The following TENM3 variants were observed in gnomAD, a reference collection of about 807,000 sequenced individuals.
TENM3 encodes teneurin-3.
Under a neutral mutation model 255.1 loss-of-function variants are expected in TENM3, and 63 were observed. That is an observed-to-expected ratio of 0.25 (90% CI 0.20 to 0.30). TENM3 has a LOEUF of 0.30. TENM3 is among the 10% of genes least tolerant of loss of function. The pLI is 1.00. For synonymous variants in TENM3, 1,306 were observed against 1,322.3 expected, an observed-to-expected ratio of 0.99 and a Z score of 0.27; for missense variants, 2,929 against 3,461.1, an observed-to-expected ratio of 0.85 and a Z score of 3.86.
At chr4:181,510,961 C>T in the TENM3 span, among the ~76,000 whole-genome samples, 1 of 152,140 alleles carries the variant, frequency 6.6e-6, no homozygotes, top group South Asian at 2.1e-4. Context: ...ACTTTATTCC[C>T]CCTTTTGGTA....
At chr4:182,357,850 A>G (rs1165838941) in intron 3 of TENM3, among the ~76,000 whole-genome samples, 156 of 151,508 alleles carry the variant, frequency 1.0e-3, no homozygotes, top group African/African-American at 3.6e-3. Flanking sequence ...TATGGTTTTA[A>G]GTCTAACATT....
intron 1 of TENM3, among the ~76,000 whole-genome samples, chr4:182,263,713 C>T (rs1759034559): frequency 6.6e-6 from 1 of 152,130 alleles, no homozygotes; most frequent in Non-Finnish European, 1.5e-5. Context: ...ACGGACAGTG[C>T]TTTTTATTCG....
intron 1 of TENM3, among the ~76,000 whole-genome samples, chr4:182,162,637 G>A (rs1319538945): frequency 6.6e-6 from 1 of 152,130 alleles, no homozygotes; most frequent in Non-Finnish European, 1.5e-5. Context: ...TTATTTTTCA[G>A]TTTGGAGGCT....
At chr4:182,681,562 G>A (rs1756179109) in intron 10 of TENM3, among the ~76,000 whole-genome samples, 1 of 152,186 alleles carries the variant, frequency 6.6e-6, no homozygotes, top group Non-Finnish European at 1.5e-5. Flanking sequence ...AACCTCAAGA[G>A]CCTGTGTGTG....
At chr4:182,394,917 T>C (rs1463198165) in intron 3 of TENM3, among the ~76,000 whole-genome samples, 1 of 152,226 alleles carries the variant, frequency 6.6e-6, no homozygotes, top group African/African-American at 2.4e-5. Context: ...GTTTGGGTTG[T>C]CTTTTTGCAA....
the TENM3 span, among the ~76,000 whole-genome samples, chr4:181,787,017 C>A: frequency 6.6e-6 from 1 of 152,228 alleles, no homozygotes; most frequent in Non-Finnish European, 1.5e-5. Context: ...GGCACTCTCT[C>A]ATGTCCCCTT....
At chr4:182,028,240 T>C in the TENM3 span, among the ~76,000 whole-genome samples, 2 of 152,194 alleles carry the variant, frequency 1.3e-5, no homozygotes, top group African/African-American at 2.4e-5. Context: ...CTTCTAGATG[T>C]TCCAGTTTAT....
intron 1 of TENM3, among the ~76,000 whole-genome samples, chr4:182,318,741 G>T (rs945584809): frequency 6.6e-6 from 1 of 152,134 alleles, no homozygotes. Context: ...TTGTGTGTTT[G>T]CTGTAGCCAG....
intron 1 of TENM3, among the ~76,000 whole-genome samples, chr4:182,224,151 A>G (rs943699545): frequency 1.3e-5 from 2 of 152,242 alleles, no homozygotes; most frequent in African/African-American, 4.8e-5. Context: ...TAATTGAAAA[A>G]TGAGGCAATC....
At chr4:182,331,653 G>A (rs898560354) in intron 2 of TENM3, among the ~76,000 whole-genome samples, 2 of 152,120 alleles carry the variant, frequency 1.3e-5, no homozygotes, top group African/African-American at 4.8e-5. Flanking sequence ...TAAAGAAAAT[G>A]GTTGAGAATA....
the TENM3 span, among the ~76,000 whole-genome samples, chr4:181,618,292 G>A: frequency 2.6e-4 from 39 of 152,068 alleles, no homozygotes; most frequent in Admixed American, 2.2e-3. Context: ...TCCAGCTAGC[G>A]AGCAATTAGC....
In TENM3 at chr4:182,399,741, C is replaced by A. The variant is rs1216082135; in HGVS notation, c.511+52812C>A. On this transcript the variant is annotated intron_variant, in intron 3 of 27. Coordinates refer to ENST00000511685, the MANE Select transcript of TENM3 (RefSeq NM_001080477.4). ...ACCCCAAACTGCTATGCAATAAGAT[C>A]ATTGCTCGCCTGCCAGTTTGCAGTT... is the stretch of plus-strand genomic sequence containing the variant. Among the ~76,000 whole-genome samples, 3 of 152,316 alleles carry A rather than the reference C, an allele frequency of 2.0e-5. No individual in the cohort carries two copies. The East Asian group carries it at 5.8e-4, about 29-fold the overall frequency.
chr4:182,660,384 C>G (rs1484311288), intron 6 of TENM3, among the ~76,000 whole-genome samples: 1 of 152,198 alleles, frequency 6.6e-6, no homozygotes, highest in East Asian at 1.9e-4. Context: ...AGCTCTGCCA[C>G]TCACTGGGTG....
At chr4:181,944,848 G>C in the TENM3 span, among the ~76,000 whole-genome samples, 1 of 151,990 alleles carries the variant, frequency 6.6e-6, no homozygotes, top group Non-Finnish European at 1.5e-5. Context: ...TGCAGCACCT[G>C]TGTACAAACG....
At chr4:182,190,676 C>T (rs1450147) in intron 1 of TENM3, among the ~76,000 whole-genome samples, 123,647 of 152,070 alleles carry the variant, frequency 0.81, 50,882 homozygotes, top group African/African-American at 0.91. Flanking sequence ...TTTTTTTCTC[C>T]CATTATACTA....
intron 1 of TENM3, among the ~76,000 whole-genome samples, chr4:182,193,313 T>G (rs1038677524): frequency 1.3e-5 from 2 of 152,230 alleles, no homozygotes; most frequent in African/African-American, 4.8e-5. Flanking sequence ...AGCCTCTCCT[T>G]TGCCCGTTAT....
At chr4:181,485,522 C>T in the TENM3 span, among the ~76,000 whole-genome samples, 1 of 151,710 alleles carries the variant, frequency 6.6e-6, no homozygotes, top group Non-Finnish European at 1.5e-5. Context: ...TTTTTCATTT[C>T]TTGTGAAAAA....
At chr4:181,562,630 C>A in the TENM3 span, among the ~76,000 whole-genome samples, 1 of 151,898 alleles carries the variant, frequency 6.6e-6, no homozygotes, top group African/African-American at 2.4e-5. Context: ...CACTTTCCAG[C>A]CTGTGATGGC....
At chr4:181,801,651 A>AATATATATATATATATATAT in the TENM3 span, among the ~76,000 whole-genome samples, 4 of 80,938 alleles carry the variant, frequency 4.9e-5, no homozygotes, top group East Asian at 2.9e-4. Flanking sequence ...AGAATTGTAA[A>AATATATATATATATATATAT]ATATATATAT....
Sources: gnomAD v4.1 joint callset for allele counts (sites outside exome capture counted in the v4.1 genomes callset) on GRCh38, gnomAD v4.1.1 for gene constraint, MANE v1.5 for transcripts, NCBI Gene and HGNC (gene_info 2026-07-23, HGNC 2026-07-21) for gene names.